The following OR6C2 variants were observed in gnomAD, a reference collection of about 807,000 sequenced individuals.
The protein encoded by OR6C2 is olfactory receptor 6C2.
For missense variants in OR6C2, 435 were observed against 365.8 expected (o/e 1.19, Z -1.54); for synonymous variants, 146 against 134.2 (o/e 1.09, Z -0.61).
In OR6C2 at chr12:55,452,409, T is replaced by G; in HGVS notation, c.196T>G (p.Phe66Val). Residue 66 changes from phenylalanine (F) to valine (V), a missense_variant, in exon 2 of 2, where the codon TTC becomes GTC. Coordinates refer to ENST00000641202, the MANE Select transcript of OR6C2 (RefSeq NM_054105.2). The stretch of plus-strand genomic sequence containing the variant: ...GTACTTCTTTCTCAGAAATTTTTCC[T>G]TCTTAGAAGTCTCATTTACTACAGT... ...PMYFFLRNFS[F>V]LEVSFTTVCI... 6.2e-7 allele frequency: 1 copy of G among 1,613,612 alleles called. No individual in the cohort carries two copies. Among genetic ancestry groups the G allele is most frequent in the Non-Finnish European group, 8.5e-7 (1 of 1,179,736 alleles).
At chr12:55,450,166 T>C (rs1483721105) in intron 1 of OR6C2, among the ~76,000 whole-genome samples, 1 of 151,926 alleles carries the variant, frequency 6.6e-6, no homozygotes, top group African/African-American at 2.4e-5. Context: ...GAAATACAAG[T>C]ATAGTGAAGA....
chr12:55,452,137 G>A lies in OR6C2; in HGVS notation c.-77G>A. On this transcript the variant is annotated 5_prime_UTR_variant, in exon 2 of 2. Coordinates refer to ENST00000641202, the MANE Select transcript of OR6C2 (RefSeq NM_054105.2). ...TTGGCTTCTAGATGCATATCCTTTT[G>A]CTATAGAATTCAAATATCTACCCCC... 1.1e-6 allele frequency: 1 copy of A among 894,926 alleles called. No homozygotes were observed. Among genetic ancestry groups the A allele is most frequent in the Non-Finnish European group, 1.7e-6 (1 of 582,350 alleles). The allele number at this position is 894,926 out of a possible 1,614,324, so 55.4% of individuals were successfully genotyped here.
chr12:55,449,819 T>C (rs1053092910), intron 1 of OR6C2, among the ~76,000 whole-genome samples: 2 of 151,872 alleles, frequency 1.3e-5, no homozygotes, highest in Non-Finnish European at 2.9e-5. Context: ...GGAATTATAA[T>C]ATCAAGGTAA....
chr12:55,447,330 T>A (rs1216895220), intron 1 of OR6C2, among the ~76,000 whole-genome samples: 2 of 151,686 alleles, frequency 1.3e-5, no homozygotes, highest in East Asian at 1.9e-4. Context: ...TGGGTTTTTT[T>A]TTTTTTACAT....
chr12:55,453,165 A>C lies in OR6C2; in HGVS notation c.*13A>C, dbSNP rs773171340. 2 of 1,593,122 alleles carry C rather than the reference A, an allele frequency of 1.3e-6. No homozygotes were observed. The highest frequency in any genetic ancestry group is 1.7e-6 in the Non-Finnish European group (2 of 1,163,976). The stretch of plus-strand genomic sequence containing the variant: ...CTCAAAGAAGTAGAAGCTGTGATGA[A>C]TTGGCATAAAGTGAATGAAGAAGGC... On this transcript the variant is annotated 3_prime_UTR_variant, in exon 2 of 2. Transcript: ENST00000641202.
chr12:55,451,110 T>A (rs1307847493), intron 1 of OR6C2, among the ~76,000 whole-genome samples: 1 of 152,028 alleles, frequency 6.6e-6, no homozygotes, highest in African/African-American at 2.4e-5. Flanking sequence ...TAATATTAAA[T>A]AAGACATCAT....
At position 55,453,208 on chromosome 12, in the gene OR6C2, A is replaced by T; in HGVS notation, c.*56A>T. ...AAGAAGGCTCCCTAAATGTCATCCT[A>T]CAGCTTTTAACTTATTTCATTGCTT... On this transcript the variant is annotated 3_prime_UTR_variant, in exon 2 of 2. Transcript: ENST00000641202. 8.1e-7 allele frequency: 1 copy of T among 1,237,182 alleles called. No homozygotes were observed. The highest frequency in any genetic ancestry group is 1.4e-5 in the South Asian group (1 of 70,734). The allele number at this position is 1,237,182 out of a possible 1,614,324, so 76.6% of individuals were successfully genotyped here. A position where few individuals can be genotyped will look rare whatever the true frequency, so the allele number is the denominator to read the frequency against.
In OR6C2 at chr12:55,452,969, C is replaced by T; in HGVS notation, c.756C>T (p.Ser252=). 2 of 1,613,680 alleles carry T rather than the reference C, an allele frequency of 1.2e-6. No homozygotes were observed. ...HMIVVSIAYG[S]CIFIYIKPSA... Reference sequence around the variant, plus strand: ...TTGTGGTTTCCATTGCCTATGGAAGCTGCATCTTCATCTATATCAAGCCCT... The same window carrying T: ...TTGTGGTTTCCATTGCCTATGGAAGTTGCATCTTCATCTATATCAAGCCCT... Residue 252 remains serine, a synonymous_variant, in exon 2 of 2, where the codon AGC becomes AGT. Coordinates refer to ENST00000641202, the MANE Select transcript of OR6C2 (RefSeq NM_054105.2).
Position 55,452,873 on chromosome 12 carries a change from CAG to C in OR6C2, c.662_663del (p.Arg221AsnfsTer44), listed in dbSNP as rs1179892968. 1.2e-6 allele frequency: 2 copies of C among 1,613,796 alleles called. No homozygotes were observed. The highest frequency in any genetic ancestry group is 2.2e-5 in the South Asian group (2 of 91,056). Reference sequence around the variant, plus strand: ...TGATTCTGTCCTACTTGTACATAGTCAGAACAATTCTGAAGTTCCCTTCTGTT... The same window carrying C: ...TGATTCTGTCCTACTTGTACATAGTCAACAATTCTGAAGTTCCCTTCTGTT... ...CVILSYLYIV[R>X]TILKFPSVQQ... On this transcript the variant is annotated frameshift_variant, in exon 2 of 2. Transcript: ENST00000641202. LOFTEE classifies it low-confidence loss of function (END_TRUNC).
chr12:55,448,656 A>AAAAAAAAAAAAG (rs1555179356), intron 1 of OR6C2, among the ~76,000 whole-genome samples: 5 of 142,810 alleles, frequency 3.5e-5, no homozygotes, highest in Admixed American at 6.8e-5. Context: ...AAAAAAAAAA[A>AAAAAAAAAAAAG]AAAGAAAGAA....
At chr12:55,445,715 C>T (rs1871349685) in intron 1 of OR6C2, among the ~76,000 whole-genome samples, 1 of 152,150 alleles carries the variant, frequency 6.6e-6, no homozygotes, top group African/African-American at 2.4e-5. Context: ...GTATTTTAGT[C>T]ATCCTTCATT....
At chr12:55,445,352 A>G (rs1402731091) in intron 1 of OR6C2, among the ~76,000 whole-genome samples, 1 of 152,208 alleles carries the variant, frequency 6.6e-6, no homozygotes, top group Non-Finnish European at 1.5e-5. Flanking sequence ...GCACATGTCC[A>G]TAAGAGTAAG....
Position 55,452,077 on chromosome 12 carries a change from C to T in OR6C2, c.-137C>T. The T allele has an allele frequency of 3.6e-6, 2 of 554,314 alleles. No individual in the cohort carries two copies. Among genetic ancestry groups the T allele is most frequent in the Non-Finnish European group, 6.3e-6 (2 of 316,204 alleles). The allele number at this position is 554,314 out of a possible 1,614,324, so 34.3% of individuals were successfully genotyped here. ...TGGAACACTGGCAACATTGATTATT[C>T]TATAAAGGGAGAAAATAAAAGTAGG... On this transcript the variant is annotated 5_prime_UTR_variant, in exon 2 of 2. Transcript: ENST00000641202.
chr12:55,453,085 G>A lies in OR6C2; in HGVS notation c.872G>A (p.Arg291Lys). 1 of 1,613,316 alleles carries A rather than the reference G, an allele frequency of 6.2e-7. No individual in the cohort carries two copies. Among genetic ancestry groups the A allele is most frequent in the Non-Finnish European group, 8.5e-7 (1 of 1,179,574 alleles). The change falls in exon 2 of 2, where the codon AGG (arginine) becomes AAG (lysine). Residue 291 changes from arginine to lysine, a missense_variant. Transcript: ENST00000641202. Reference protein sequence around the residue: ...PLLNPFIYTLRNKQVKQAFSD... With the variant: ...PLLNPFIYTLKNKQVKQAFSD... ...TTGAACCCCTTCATTTACACCTTGA[G>A]GAACAAGCAAGTGAAACAAGCTTTC...
chr12:55,449,264 C>T (rs920411780), intron 1 of OR6C2, among the ~76,000 whole-genome samples: 9 of 151,938 alleles, frequency 5.9e-5, no homozygotes, highest in Non-Finnish European at 1.2e-4. Context: ...ATTGTCTAAA[C>T]TTTAAAATAC....
chr12:55,446,435 T>A (rs1871363737), intron 1 of OR6C2, among the ~76,000 whole-genome samples: 1 of 152,180 alleles, frequency 6.6e-6, no homozygotes, highest in Admixed American at 6.5e-5. Context: ...CGGCCAGTGG[T>A]AATTTTAGTG....
At position 55,453,079 on chromosome 12, in the gene OR6C2, C is replaced by T. The variant is rs2120690770; in HGVS notation, c.866C>T (p.Thr289Ile). The T allele has an allele frequency of 1.9e-6, 3 of 1,613,352 alleles. No individual in the cohort carries two copies. The highest frequency in any genetic ancestry group is 1.7e-4 in the Middle Eastern group (1 of 6,054). Residue 289 changes from threonine (T) to isoleucine (I), a missense_variant, in exon 2 of 2, where the codon ACC becomes ATC. Transcript: ENST00000641202. ...CCCTTGTTGAACCCCTTCATTTACA[C>T]CTTGAGGAACAAGCAAGTGAAACAA... ...VAPLLNPFIY[T>I]LRNKQVKQAF...
At chr12:55,447,084 T>C (rs966490505) in intron 1 of OR6C2, among the ~76,000 whole-genome samples, 1 of 152,236 alleles carries the variant, frequency 6.6e-6, no homozygotes, top group Non-Finnish European at 1.5e-5. Context: ...CTGAATGCTA[T>C]TCTGCAGAAT....
In OR6C2 at chr12:55,452,611, T is replaced by C. The variant is rs1403034250; in HGVS notation, c.398T>C (p.Ile133Thr). 6.2e-7 allele frequency: 1 copy of C among 1,613,876 alleles called. No homozygotes were observed. Among genetic ancestry groups the C allele is most frequent in the South Asian group, 1.1e-5 (1 of 91,088 alleles). Reference protein sequence around the residue: ...AICKPLHYVVIMNNRVCTLLV... With the variant: ...AICKPLHYVVTMNNRVCTLLV... ...TGTAAACCCCTTCATTATGTGGTCA[T>C]CATGAACAACAGGGTGTGTACCTTA... The change falls in exon 2 of 2, where the codon ATC (isoleucine) becomes ACC (threonine). Residue 133 changes from isoleucine (I) to threonine (T), a missense_variant. Physicochemically the swap from Ile to Thr is moderately conservative, Grantham distance 89. Transcript: ENST00000641202.
Sources: gnomAD v4.1 joint callset for allele counts (sites outside exome capture counted in the v4.1 genomes callset) on GRCh38, gnomAD v4.1.1 for gene constraint, MANE v1.5 for transcripts, NCBI Gene and HGNC (gene_info 2026-07-23, HGNC 2026-07-21) for gene names.